Variants in GARIN1A observed in about 807,000 individuals in gnomAD.
The protein encoded by GARIN1A is Golgi-associated RAB2 interactor protein 1A.
At chr7:128,674,844 C>A in the GARIN1A span, among the ~76,000 whole-genome samples, 1 of 152,132 alleles carries the variant, frequency 6.6e-6, no homozygotes, top group Non-Finnish European at 1.5e-5. Context: ...CCTGTGATCC[C>A]AGCACTTTGG....
chr7:128,676,224 A>T, the GARIN1A span, among the ~76,000 whole-genome samples: 1 of 151,636 alleles, frequency 6.6e-6, no homozygotes, highest in Non-Finnish European at 1.5e-5. Flanking sequence ...GTTAGCCAGG[A>T]TGGTCTCGAT....
chr7:128,677,570 C>T, the GARIN1A span: 14 of 1,603,878 alleles, frequency 8.7e-6, no homozygotes, highest in Non-Finnish European at 1.1e-5. Flanking sequence ...CCAGGCTTCT[C>T]CCCCTGAAGT....
the GARIN1A span, chr7:128,687,374 G>A: frequency 6.6e-6 from 1 of 152,098 alleles, no homozygotes; most frequent in Admixed American, 6.6e-5. Context: ...GACGGATGTG[G>A]GTTGGCTCAC....
chr7:128,675,863 A>C, the GARIN1A span: 1 of 1,604,110 alleles, frequency 6.2e-7, no homozygotes, highest in South Asian at 1.1e-5. Flanking sequence ...TCAGCAGGTA[A>C]AGGCTTGAGG....
the GARIN1A span, among the ~76,000 whole-genome samples, chr7:128,692,507 CATT>C: frequency 6.6e-6 from 1 of 152,098 alleles, no homozygotes; most frequent in African/African-American, 2.4e-5. Context: ...AGAAACAAAA[CATT>C]GTTATCCGGA....
At chr7:128,677,646 A>G in the GARIN1A span, 1 of 1,613,856 alleles carries the variant, frequency 6.2e-7, no homozygotes, top group East Asian at 2.2e-5. Flanking sequence ...GACCGAAAAG[A>G]TCTACTATCT....
chr7:128,683,077 T>C, the GARIN1A span: 2 of 1,612,364 alleles, frequency 1.2e-6, no homozygotes, highest in Admixed American at 3.3e-5. Context: ...AGCCACAGCC[T>C]CTGGGAACAA....
chr7:128,672,155 C>T, the GARIN1A span: 9 of 440,856 alleles, frequency 2.0e-5, no homozygotes, highest in South Asian at 4.2e-4. Context: ...AGAAAAGAGC[C>T]TGGCACATCC....
At chr7:128,680,087 G>A in the GARIN1A span, 36 of 1,582,290 alleles carry the variant, frequency 2.3e-5, no homozygotes, top group Middle Eastern at 1.7e-4. Context: ...TGCTGCTGGC[G>A]GCTGAGCAGA....
the GARIN1A span, among the ~76,000 whole-genome samples, chr7:128,676,829 C>T: frequency 6.6e-6 from 1 of 152,018 alleles, no homozygotes; most frequent in African/African-American, 2.4e-5. Context: ...TTGGGCAAAT[C>T]ACTTAGCCTC....
At chr7:128,675,298 C>G in the GARIN1A span, among the ~76,000 whole-genome samples, 1 of 152,206 alleles carries the variant, frequency 6.6e-6, no homozygotes, top group Non-Finnish European at 1.5e-5. Flanking sequence ...CTTTCCTCTC[C>G]TTCTGGGACT....
the GARIN1A span, among the ~76,000 whole-genome samples, chr7:128,706,778 G>A: frequency 6.6e-6 from 1 of 152,144 alleles, no homozygotes; most frequent in African/African-American, 2.4e-5. Flanking sequence ...TCATCCCTGG[G>A]CATCCTGCGA....
chr7:128,707,250 G>GTA, the GARIN1A span, among the ~76,000 whole-genome samples: 19 of 145,232 alleles, frequency 1.3e-4, no homozygotes, highest in African/African-American at 4.6e-4. Flanking sequence ...GTGTGTGTGT[G>GTA]AAGAATGTTC....
At chr7:128,703,184 A>G in the GARIN1A span, among the ~76,000 whole-genome samples, 3 of 152,244 alleles carry the variant, frequency 2.0e-5, no homozygotes, top group Non-Finnish European at 4.4e-5. Flanking sequence ...AACACTATCA[A>G]ACAACTAGAC....
the GARIN1A span, among the ~76,000 whole-genome samples, chr7:128,699,496 T>C: frequency 2.0e-5 from 3 of 152,218 alleles, no homozygotes; most frequent in Admixed American, 2.0e-4. Flanking sequence ...ATCACTTTGA[T>C]GTCTGAATCT....
At chr7:128,681,884 C>T in the GARIN1A span, among the ~76,000 whole-genome samples, 1 of 139,176 alleles carries the variant, frequency 7.2e-6, no homozygotes, top group African/African-American at 2.8e-5. Context: ...ACACTGCACC[C>T]CCCCCCACAA....
chr7:128,687,501 G>C, the GARIN1A span: 3 of 152,322 alleles, frequency 2.0e-5, no homozygotes, highest in East Asian at 3.9e-4. Flanking sequence ...AGCAAGCTAG[G>C]TGGTTTCCCC....
the GARIN1A span, among the ~76,000 whole-genome samples, chr7:128,689,785 G>T: frequency 8.9e-6 from 1 of 112,750 alleles, no homozygotes; most frequent in African/African-American, 3.1e-5. Context: ...CGGGAGGGAG[G>T]TGGGGGGTCA....
At chr7:128,698,461 A>G in the GARIN1A span, among the ~76,000 whole-genome samples, 1 of 150,722 alleles carries the variant, frequency 6.6e-6, no homozygotes, top group Non-Finnish European at 1.5e-5. Context: ...CCCCTCCTTA[A>G]CCCATGCCAC....
Sources: allele counts gnomAD v4.1 joint callset (sites outside exome capture counted in the v4.1 genomes callset), GRCh38; gene constraint gnomAD v4.1.1; transcripts MANE v1.5; gene names NCBI Gene and HGNC (gene_info 2026-07-23, HGNC 2026-07-21).